The following SEC24B variants were observed in gnomAD, a reference collection of about 807,000 sequenced individuals.
SEC24B encodes SEC24 homolog B, COPII component, also known as protein transport protein Sec24B.
A neutral mutation model predicts 142.8 loss-of-function variants in SEC24B; 45 were observed. The ratio of observed to expected loss-of-function variants is 0.32; its 90% CI spans 0.25 to 0.40. The LOEUF (loss-of-function observed/expected upper bound fraction) is 0.40. Ranked by LOEUF, SEC24B falls within the 10% of genes least tolerant of loss-of-function variation. The pLI, the probability that SEC24B is intolerant of heterozygous loss-of-function variation, is 1.00. For synonymous variants in SEC24B, 574 were observed against 568.2 expected (o/e 1.01, Z -0.15); for missense variants, 1,409 against 1,526.8 (o/e 0.92, Z 1.29).
chr4:109,438,809 G>A (rs1400125162), intron 1 of SEC24B, among the ~76,000 whole-genome samples: 1 of 152,030 alleles, frequency 6.6e-6, no homozygotes, highest in East Asian at 1.9e-4. Context: ...TCCTTCCTTG[G>A]TGTTGTATTT....
Position 109,512,028 on chromosome 4 carries a change from A to T in SEC24B, c.1848A>T (p.Val616=), listed in dbSNP as rs201330028. ...GTCGAACGTATATTAACCCCTTTGT[A>T]TCCTTCATTGATCAACGTAGATGGA... ...RSCRTYINPF[V]SFIDQRRWKC... The change falls in exon 9 of 24, where the codon GTA becomes GTT. Residue 616 remains valine, a synonymous_variant. Transcript: ENST00000265175. 1.7e-3 allele frequency: 2,709 copies of T among 1,613,300 alleles called. 4 individuals are homozygous for T. Among genetic ancestry groups the T allele is most frequent in the Non-Finnish European group, 2.0e-3 (2,404 of 1,179,406 alleles).
At chr4:109,486,902 C>A (rs879840623) in intron 4 of SEC24B, among the ~76,000 whole-genome samples, 1 of 152,096 alleles carries the variant, frequency 6.6e-6, no homozygotes, top group Non-Finnish European at 1.5e-5. Flanking sequence ...CGGTGGCTCA[C>A]GCCTGTAATC....
chr4:109,527,191 C>G (rs1724333751), intron 17 of SEC24B, 131 bp from the exon 18 acceptor site: 1 of 619,462 alleles, frequency 1.6e-6, no homozygotes, highest in Non-Finnish European at 2.7e-6. Context: ...TGCACTCCAG[C>G]CTAAGAGACA....
At chr4:109,488,539 CTT>C (rs1260399341) in intron 4 of SEC24B, among the ~76,000 whole-genome samples, 1 of 152,066 alleles carries the variant, frequency 6.6e-6, no homozygotes, top group Non-Finnish European at 1.5e-5. Flanking sequence ...GTTGTTTCTG[CTT>C]TTTGGCTGTT....
rs967663717 is a variant in SEC24B, at chr4:109,513,481, A to G, written c.1904-266A>G. Among the ~76,000 whole-genome samples, 9 of 151,452 alleles carry G rather than the reference A, an allele frequency of 5.9e-5. No homozygotes were observed. In the East Asian group the frequency reaches 1.6e-3, roughly 26 times the overall value. ...GTTTTTTTAGTAGAGACGAGGTTTC[A>G]CCATGTTGGTCAGGCTGTTCTCAAA... On this transcript the variant is annotated intron_variant, in intron 9 of 23. Transcript: ENST00000265175.
In SEC24B at chr4:109,526,658, A is replaced by T. The variant is rs542074189; in HGVS notation, c.2965+259A>T. On this transcript the variant is annotated intron_variant, in intron 17 of 23. Coordinates refer to ENST00000265175, the MANE Select transcript of SEC24B (RefSeq NM_006323.5). Reference sequence around the variant, plus strand: ...AAAACAGTTCATGCTAAATCCAGCTATGCCATTCTTTGTATTATTTCTTGC... The same window carrying T: ...AAAACAGTTCATGCTAAATCCAGCTTTGCCATTCTTTGTATTATTTCTTGC... Among the ~76,000 whole-genome samples, 13 of 152,314 alleles carry T rather than the reference A, an allele frequency of 8.5e-5. 1 individual carries two copies. In the South Asian group the frequency reaches 2.7e-3, roughly 32 times the overall value.
Position 109,483,040 on chromosome 4 carries a change from ATATGTATT to A in SEC24B, c.1165+1271_1165+1278del, listed in dbSNP as rs1193866296. Among the ~76,000 whole-genome samples, 498 of 82,932 alleles carry A rather than the reference ATATGTATT, an allele frequency of 6.0e-3. 3 individuals carry two copies. Among genetic ancestry groups the A allele is most frequent in the East Asian group, 0.017 (68 of 4,012 alleles). The allele number at this position is 82,932 out of a possible 152,430, so 54.4% of individuals were successfully genotyped here. ...ATGTTTTTTATATATGTATTTATATATATGTATTTATGTATTTATATATATATATATAT... is the reference window on the plus strand; with the variant it reads ...ATGTTTTTTATATATGTATTTATATATATGTATTTATATATATATATATAT... On this transcript the variant is annotated intron_variant, in intron 4 of 23. Coordinates refer to ENST00000265175, the MANE Select transcript of SEC24B (RefSeq NM_006323.5).
chr4:109,455,162 G>A (rs528655233), intron 1 of SEC24B, among the ~76,000 whole-genome samples: 1 of 152,182 alleles, frequency 6.6e-6, no homozygotes, highest in Admixed American at 6.5e-5. Context: ...TGCCCCTTTG[G>A]CCTCTGTAGT....
chr4:109,442,151 T>G (rs752257925), intron 1 of SEC24B, among the ~76,000 whole-genome samples: 1 of 152,218 alleles, frequency 6.6e-6, no homozygotes, highest in Non-Finnish European at 1.5e-5. Flanking sequence ...TGATACCTTA[T>G]TGGCAGGGAG....
Position 109,494,713 on chromosome 4 carries a change from G to A in SEC24B, c.1345G>A (p.Val449Ile), listed in dbSNP as rs201228806. The stretch of plus-strand genomic sequence containing the variant: ...TCCAGCTTCAGCTCCAGCTCCTGTC[G>A]TCCCTCAGCCTTCAAAAATGGCTAA... ...PAPASAPAPV[V>I]PQPSKMAKPF... The change falls in exon 6 of 24, where the codon GTC becomes ATC. Residue 449 changes from valine to isoleucine, a missense_variant. Physicochemically the swap from Val to Ile is conservative, Grantham distance 29 (BLOSUM62 3). Coordinates refer to ENST00000265175, the MANE Select transcript of SEC24B (RefSeq NM_006323.5). 1.9e-4 allele frequency: 314 copies of A among 1,613,966 alleles called. 1 individual carries two copies. The African/African-American group carries it at 2.4e-3, about 12-fold the overall frequency.
intron 5 of SEC24B, among the ~76,000 whole-genome samples, chr4:109,494,293 T>A (rs771623965): frequency 2.6e-5 from 4 of 151,630 alleles, no homozygotes; most frequent in African/African-American, 4.8e-5. Context: ...ATCTCTATTT[T>A]AAAAAAAAGA....
At chr4:109,460,673 T>A (rs1206509706) in intron 1 of SEC24B, among the ~76,000 whole-genome samples, 1 of 151,924 alleles carries the variant, frequency 6.6e-6, no homozygotes, top group Non-Finnish European at 1.5e-5. Flanking sequence ...TATTGATAAA[T>A]GGGTATAATA....
At chr4:109,446,103 G>A (rs1729434605) in intron 1 of SEC24B, among the ~76,000 whole-genome samples, 1 of 152,014 alleles carries the variant, frequency 6.6e-6, no homozygotes, top group African/African-American at 2.4e-5. Context: ...ACCTGATGTG[G>A]TAGGCTGAAT....
Position 109,533,694 on chromosome 4 carries a change from A to AT in SEC24B, c.3588+13dup. The AT allele has an allele frequency of 6.8e-7, 1 of 1,470,000 alleles. No individual in the cohort carries two copies. The highest frequency in any genetic ancestry group is 9.4e-7 in the Non-Finnish European group (1 of 1,058,916). The allele number at this position is 1,470,000 out of a possible 1,614,324, so 91.1% of individuals were successfully genotyped here. A position where few individuals can be genotyped will look rare whatever the true frequency, so the allele number is the denominator to read the frequency against. ...CAATACCACAGAAAATGGTCAGTAG[A>AT]TTTTATACACCTTTAACTTTTTGTT... On this transcript the variant is annotated intron_variant, in intron 22 of 23. Transcript: ENST00000265175.
rs138279335 is a variant in SEC24B at position 109,501,970 on chromosome 4, G to T, written c.1489-4358G>T. Among the ~76,000 whole-genome samples the T allele has an allele frequency of 4.1e-3, 628 of 152,310 alleles. 5 individuals are homozygous for T. Among genetic ancestry groups the T allele is most frequent in the Non-Finnish European group, 7.8e-3 (529 of 68,030 alleles). On this transcript the variant is annotated intron_variant, in intron 6 of 23. Coordinates refer to ENST00000265175, the MANE Select transcript of SEC24B (RefSeq NM_006323.5). ...GTAAACAAATAAAGAATTAATTTCA[G>T]GTAGTTACAAGTGCTATGAAGTAAG...
intron 10 of SEC24B, among the ~76,000 whole-genome samples, chr4:109,516,210 T>A (rs1187920454): frequency 6.6e-6 from 1 of 152,188 alleles, no homozygotes; most frequent in Non-Finnish European, 1.5e-5. Context: ...GATGTACATC[T>A]AGAGAGCTTA....
chr4:109,450,547 A>G (rs1164196698), intron 1 of SEC24B, among the ~76,000 whole-genome samples: 3 of 151,594 alleles, frequency 2.0e-5, no homozygotes, highest in African/African-American at 7.3e-5. Context: ...AATCCCAGCT[A>G]CTTGGGAGGC....
intron 1 of SEC24B, among the ~76,000 whole-genome samples, chr4:109,448,983 G>A (rs183102540): frequency 6.6e-6 from 1 of 151,054 alleles, no homozygotes; most frequent in Admixed American, 6.6e-5. Flanking sequence ...GTACTGATTG[G>A]GTATTTTGTA....
chr4:109,448,962 G>A (rs924929506), intron 1 of SEC24B, among the ~76,000 whole-genome samples: 5 of 147,300 alleles, frequency 3.4e-5, no homozygotes, highest in South Asian at 2.1e-4. Flanking sequence ...TGACTTCCTC[G>A]TTTTTGAAGA....
Sources: gnomAD v4.1 joint callset for allele counts (sites outside exome capture counted in the v4.1 genomes callset) on GRCh38, gnomAD v4.1.1 for gene constraint, MANE v1.5 for transcripts, NCBI Gene and HGNC (gene_info 2026-07-23, HGNC 2026-07-21) for gene names.